The following AFDN variants were observed in gnomAD, a reference collection of about 807,000 sequenced individuals.
AFDN encodes the protein afadin.
A neutral mutation model predicts 216.6 loss-of-function variants in AFDN; 68 were observed. The ratio of observed to expected loss-of-function variants is 0.31; its 90% CI spans 0.26 to 0.38. The LOEUF is 0.38. Among genes scored for constraint, AFDN ranks in the 10% least tolerant of loss-of-function variants. The probability of loss-of-function intolerance (pLI) is 1.00; values close to 1 mark genes in which losing one functional copy is unlikely to be tolerated. For synonymous variants in AFDN, 868 were observed against 853.7 expected, an observed-to-expected ratio of 1.02 and a Z score of -0.29; for missense variants, 2,136 against 2,342.0, an observed-to-expected ratio of 0.91 and a Z score of 1.82.
At chr6:167,950,427 TTC>T (rs147217918) in intron 29 of AFDN, among the ~76,000 whole-genome samples, 19,225 of 150,858 alleles carry the variant, frequency 0.13, 1,404 homozygotes, top group South Asian at 0.22. Flanking sequence ...TGTGTGTCAT[TTC>T]TCTCTGTCTC....
intron 23 of AFDN, among the ~76,000 whole-genome samples, chr6:167,934,943 A>C (rs1256372322): frequency 6.6e-6 from 1 of 152,134 alleles, no homozygotes; most frequent in Non-Finnish European, 1.5e-5. Flanking sequence ...TTCTCATCGG[A>C]TGTACAAAGC....
intron 30 of AFDN, among the ~76,000 whole-genome samples, chr6:167,957,532 TCAAAC>T (rs767113248): frequency 2.6e-5 from 4 of 152,166 alleles, no homozygotes; most frequent in Non-Finnish European, 5.9e-5. Flanking sequence ...TAAGTCATGT[TCAAAC>T]CAAAGTCTGA....
intron 19 of AFDN, among the ~76,000 whole-genome samples, chr6:167,916,296 A>G (rs756480871): frequency 6.6e-6 from 1 of 152,206 alleles, no homozygotes; most frequent in South Asian, 2.1e-4. Flanking sequence ...TTTTAACTTG[A>G]TGATTCCCTG....
At chr6:167,835,821 G>C (rs1263305503) in intron 1 of AFDN, among the ~76,000 whole-genome samples, 1 of 152,074 alleles carries the variant, frequency 6.6e-6, no homozygotes, top group Admixed American at 6.6e-5. Flanking sequence ...GAGAACCTTG[G>C]GGGTTCATGG....
At chr6:167,837,722 G>A (rs1474303252) in intron 1 of AFDN, among the ~76,000 whole-genome samples, 1 of 152,162 alleles carries the variant, frequency 6.6e-6, no homozygotes, top group Non-Finnish European at 1.5e-5. Context: ...ACTTGCTTCA[G>A]GGTATGCAAA....
intron 25 of AFDN, among the ~76,000 whole-genome samples, 174 bp downstream of exon 25, chr6:167,943,649 C>T (rs1252171424): frequency 6.6e-6 from 1 of 152,154 alleles, no homozygotes; most frequent in African/African-American, 2.4e-5. Context: ...ATATTTTAAT[C>T]TAGTACAGTT....
rs375930597 is a variant in AFDN at position 167,925,676 on chromosome 6, C to G, written c.3099+585C>G. Among the ~76,000 whole-genome samples the G allele has an allele frequency of 7.2e-5, 11 of 152,274 alleles. No individual in the cohort carries two copies. The East Asian group carries it at 1.9e-3, about 27-fold the overall frequency. On this transcript the variant is annotated intron_variant, in intron 23 of 33. Transcript: ENST00000683244. ...CCTGGAATTCTTGGGGTTTGAATCC[C>G]TTCACCTGCTAGTTTTGGCAGGATA...
chr6:167,845,215 G>A (rs140324767), intron 1 of AFDN, among the ~76,000 whole-genome samples: 1 of 152,178 alleles, frequency 6.6e-6, no homozygotes, highest in African/African-American at 2.4e-5. Flanking sequence ...TATGTGAAGT[G>A]CCTGTTTTTC....
At chr6:167,881,863 G>A (rs1295039836) in intron 6 of AFDN, among the ~76,000 whole-genome samples, 1 of 152,166 alleles carries the variant, frequency 6.6e-6, no homozygotes, top group African/African-American at 2.4e-5. Flanking sequence ...CTTGTTGAAA[G>A]AAAGATCTGT....
chr6:167,890,986 C>A lies in AFDN; in HGVS notation c.1134C>A (p.Thr378=). 2 of 1,613,964 alleles carry A rather than the reference C, an allele frequency of 1.2e-6. No homozygotes were observed. Among genetic ancestry groups the A allele is most frequent in the Non-Finnish European group, 1.7e-6 (2 of 1,179,900 alleles). ...ERADGSGYGS[T]LPPEKLPYLV... The stretch of plus-strand genomic sequence containing the variant: ...CTGACGGGTCTGGCTATGGCTCCAC[C>A]CTTCCTCCGGAGAAGCTGCCCTATT... Residue 378 remains threonine, a synonymous_variant, in exon 8 of 34, where the codon ACC becomes ACA. Transcript: ENST00000683244.
chr6:167,924,914 G>A (rs1216275131), intron 22 of AFDN, 91 bp from the exon 23 acceptor site: 1 of 919,550 alleles, frequency 1.1e-6, no homozygotes, highest in Non-Finnish European at 1.8e-6. Flanking sequence ...ATTTGCTCCA[G>A]TGAACATGAT....
rs769185666 is a variant in AFDN at position 167,880,352 on chromosome 6, T to A, written c.740-8T>A. On this transcript the variant is annotated splice_region_variant and splice_polypyrimidine_tract_variant and intron_variant, in intron 5 of 33. Coordinates refer to ENST00000683244, the MANE Select transcript of AFDN (RefSeq NM_001386888.1). ...GTTGTACTCAAAGATGTCAAAATGT[T>A]TTTTCAGGTGGAACATTGAGAATTT... 6.2e-6 allele frequency: 10 copies of A among 1,609,898 alleles called. No homozygotes were observed. The highest frequency in any genetic ancestry group is 8.5e-6 in the Non-Finnish European group (10 of 1,177,486).
chr6:167,952,524 G>C (rs1796109196), intron 30 of AFDN: 1 of 985,210 alleles, frequency 1.0e-6, no homozygotes, highest in Non-Finnish European at 1.2e-6. Context: ...TCTTGATCCA[G>C]GGTAGGCAAA....
chr6:167,952,831 T>C (rs936045206), intron 30 of AFDN, among the ~76,000 whole-genome samples: 2 of 152,248 alleles, frequency 1.3e-5, no homozygotes, highest in Non-Finnish European at 2.9e-5. Flanking sequence ...AGCAAGCATT[T>C]GTTAAGGTAA....
At chr6:167,960,880 A>T (rs570051056) in intron 30 of AFDN, among the ~76,000 whole-genome samples, 1 of 152,204 alleles carries the variant, frequency 6.6e-6, no homozygotes, top group Non-Finnish European at 1.5e-5. Flanking sequence ...TGGGGTATGG[A>T]TAGGTTGTCC....
At chr6:167,952,946 G>A (rs541680624) in intron 30 of AFDN, among the ~76,000 whole-genome samples, 4 of 152,294 alleles carry the variant, frequency 2.6e-5, no homozygotes, top group South Asian at 4.1e-4. Flanking sequence ...ACTAACAAAA[G>A]TATAAATTCG....
At chr6:167,868,762 C>CT (rs35300672) in intron 2 of AFDN, among the ~76,000 whole-genome samples, 48,662 of 122,454 alleles carry the variant, frequency 0.4, 10,987 homozygotes, top group African/African-American at 0.5. Context: ...ATTGTGCAAT[C>CT]TTTTTTTTTT....
chr6:167,946,156 T>A (rs1004423008), intron 26 of AFDN, among the ~76,000 whole-genome samples: 14 of 152,242 alleles, frequency 9.2e-5, no homozygotes, highest in Non-Finnish European at 4.4e-5. Context: ...GAACTTAACA[T>A]CTTGGTTGTC....
At chr6:167,963,753 CTG>C (rs1169417445) in intron 31 of AFDN, 1 of 1,062,268 alleles carries the variant, frequency 9.4e-7, no homozygotes, top group Non-Finnish European at 1.1e-6. Flanking sequence ...TTAGGTTCCC[CTG>C]TGAGTCTTTC....
Sources: allele counts gnomAD v4.1 joint callset (sites outside exome capture counted in the v4.1 genomes callset), GRCh38; gene constraint gnomAD v4.1.1; transcripts MANE v1.5; gene names NCBI Gene and HGNC (gene_info 2026-07-23, HGNC 2026-07-21).